The following IL16 variants were observed in gnomAD, a reference collection of about 807,000 sequenced individuals.
IL16 encodes the protein interleukin 16, also known as pro-interleukin-16.
Under a neutral mutation model 110.1 loss-of-function variants are expected in IL16, and 67 were observed. The ratio of observed to expected loss-of-function variants is 0.61; its 90% CI spans 0.50 to 0.75. The LOEUF (loss-of-function observed/expected upper bound fraction) is 0.75, where lower values mean the gene tolerates loss of function less well. Among genes scored for constraint, IL16 ranks in the 30% least tolerant of loss-of-function variants. The pLI is 0.00. For missense variants in IL16, 1,545 were observed against 1,655.0 expected, an observed-to-expected ratio of 0.93 and a Z score of 1.15; for synonymous variants, 689 against 662.9, an observed-to-expected ratio of 1.04 and a Z score of -0.61.
Position 81,300,247 on chromosome 15 carries a change from C to G in IL16, c.2921C>G (p.Ser974Cys). ...ARSFPLTRSQ[S>C]CETKLLDEKT... ...AGCTTCCCCCTGACCAGGTCCCAGTCCTGTGAGACGAAGCTACTTGACGAA... is the reference window on the plus strand; with the variant it reads ...AGCTTCCCCCTGACCAGGTCCCAGTGCTGTGAGACGAAGCTACTTGACGAA... The change falls in exon 14 of 19, where the codon TCC becomes TGC. Residue 974 changes from serine (S) to cysteine (C), a missense_variant. Physicochemically the swap from Ser to Cys is moderately radical, Grantham distance 112. Around this residue, in one of 3 missense-constraint regions of IL16, gnomAD observed 1,185 missense variants for 1,238.8 expected, o/e 0.96. Coordinates refer to ENST00000683961, the MANE Select transcript of IL16 (RefSeq NM_172217.5). 38 of 1,614,240 alleles carry G rather than the reference C, an allele frequency of 2.4e-5. No individual in the cohort carries two copies. Among genetic ancestry groups the G allele is most frequent in the Non-Finnish European group, 3.2e-5 (38 of 1,180,050 alleles).
chr15:81,249,311 A>T (rs948922505), intron 2 of IL16, among the ~76,000 whole-genome samples: 1 of 152,144 alleles, frequency 6.6e-6, no homozygotes, highest in African/African-American at 2.4e-5. Flanking sequence ...TCTTTGCCTC[A>T]CAGGCCTTCA....
At chr15:81,231,381 T>TCTCC (rs1595973493) in intron 2 of IL16, among the ~76,000 whole-genome samples, 2 of 144,402 alleles carry the variant, frequency 1.4e-5, no homozygotes, top group East Asian at 4.1e-4. Context: ...TCTCTCTCTC[T>TCTCC]CCCTCTCTTA....
intron 10 of IL16, among the ~76,000 whole-genome samples, chr15:81,287,068 T>C (rs1330210677): frequency 6.6e-6 from 1 of 152,188 alleles, no homozygotes; most frequent in Non-Finnish European, 1.5e-5. Context: ...GTGGGAATTA[T>C]GGGAGCTAAA....
At position 81,308,906 on chromosome 15, in the gene IL16, C is replaced by A. The variant is rs1376423089; in HGVS notation, c.*108C>A. On this transcript the variant is annotated 3_prime_UTR_variant, in exon 19 of 19. Coordinates refer to ENST00000683961, the MANE Select transcript of IL16 (RefSeq NM_172217.5). ...CGCCCCACCCAGATGGGGGAAAGCA[C>A]AGGTGGGCTTCCCAGTGGCTGCTGC... 1 of 994,780 alleles carries A rather than the reference C, an allele frequency of 1.0e-6. No homozygotes were observed. The highest frequency in any genetic ancestry group is 1.5e-6 in the Non-Finnish European group (1 of 683,176). The allele number at this position is 994,780 out of a possible 1,614,324, so 61.6% of individuals were successfully genotyped here.
At chr15:81,306,630 G>C (rs1391343660) in intron 18 of IL16, 85 bp downstream of exon 18, 2 of 1,543,348 alleles carry the variant, frequency 1.3e-6, no homozygotes, top group Non-Finnish European at 1.8e-6. Flanking sequence ...CACTTTCTGG[G>C]CTATGTTGTT....
At chr15:81,211,049 T>G (rs952752693) in intron 1 of IL16, among the ~76,000 whole-genome samples, 3 of 151,772 alleles carry the variant, frequency 2.0e-5, no homozygotes, top group African/African-American at 7.3e-5. Flanking sequence ...ATTTTTTGGG[T>G]TTTTTGTTTG....
In IL16 at chr15:81,279,755, G is replaced by C; in HGVS notation, c.1062G>C (p.Val354=). The C allele has an allele frequency of 1.2e-6, 2 of 1,614,212 alleles. No individual in the cohort carries two copies. Among genetic ancestry groups the C allele is most frequent in the Non-Finnish European group, 1.7e-6 (2 of 1,180,018 alleles). The change falls in exon 8 of 19, where the codon GTG becomes GTC. Residue 354 remains valine, a synonymous_variant. Coordinates refer to ENST00000683961, the MANE Select transcript of IL16 (RefSeq NM_172217.5). ...CCAAGCCCAATTACAGAATCATGGT[G>C]GAGGTTTCTCTGCAGAAAGGTAGGA... The part of the protein sequence containing the change: ...STAKPNYRIM[V]EVSLQKEAGV...
chr15:81,198,135 G>A (rs1895668024), intron 1 of IL16, among the ~76,000 whole-genome samples: 1 of 152,128 alleles, frequency 6.6e-6, no homozygotes, highest in African/African-American at 2.4e-5. Context: ...GCCGTCAGGT[G>A]GGTCAGACCC....
intron 5 of IL16, 97 bp downstream of exon 5, chr15:81,269,745 G>A: frequency 1.2e-6 from 1 of 844,376 alleles, no homozygotes; most frequent in Non-Finnish European, 2.0e-6. Flanking sequence ...GGACTACTGG[G>A]GTGTCCTGGC....
Position 81,230,195 on chromosome 15 carries a change from C to T in IL16, c.312+4484C>T, listed in dbSNP as rs551762589. Among the ~76,000 whole-genome samples, 8 of 152,252 alleles carry T rather than the reference C, an allele frequency of 5.3e-5. 1 individual carries two copies. In the South Asian group the frequency reaches 1.7e-3, roughly 32 times the overall value. On this transcript the variant is annotated intron_variant, in intron 2 of 18. Transcript: ENST00000683961. ...TGGGAGAATGTCAAAAGTCAGGCTT[C>T]CTAAGTTAATAAACAAAAGCAAATA...
intron 1 of IL16, among the ~76,000 whole-genome samples, chr15:81,199,978 T>C (rs1315762975): frequency 1.3e-5 from 2 of 152,104 alleles, no homozygotes; most frequent in Admixed American, 6.5e-5. Context: ...AAATACCCCA[T>C]ATGGAATTGC....
At chr15:81,256,253 C>G (rs926104898) in intron 2 of IL16, among the ~76,000 whole-genome samples, 1 of 151,666 alleles carries the variant, frequency 6.6e-6, no homozygotes, top group Non-Finnish European at 1.5e-5. Flanking sequence ...TGATTGTAGT[C>G]AGTCATCATC....
intron 17 of IL16, 54 bp downstream of exon 17, chr15:81,306,220 T>C (rs1240146728): frequency 1.9e-6 from 3 of 1,586,330 alleles, no homozygotes; most frequent in East Asian, 2.2e-5. Flanking sequence ...CTTTGGCCAT[T>C]TGGGGCCAGA....
At chr15:81,294,992 T>C (rs1899917365) in intron 12 of IL16, among the ~76,000 whole-genome samples, 1 of 152,156 alleles carries the variant, frequency 6.6e-6, no homozygotes, top group Non-Finnish European at 1.5e-5. Flanking sequence ...CCCCCAAGTC[T>C]TTCCCATCTA....
chr15:81,209,175 T>A (rs934859644), intron 1 of IL16, among the ~76,000 whole-genome samples: 3 of 152,168 alleles, frequency 2.0e-5, no homozygotes, highest in African/African-American at 7.2e-5. Context: ...AGGATAATGA[T>A]GGAGACAGGG....
chr15:81,235,260 A>G (rs545914757), intron 2 of IL16, among the ~76,000 whole-genome samples: 2 of 152,290 alleles, frequency 1.3e-5, no homozygotes, highest in Admixed American at 1.3e-4. Flanking sequence ...AAAGAGGTTT[A>G]TTTGGCTTAC....
rs1596063879 is a variant in IL16 at position 81,309,079 on chromosome 15, T to C, written c.*281T>C. The C allele has an allele frequency of 2.9e-6, 1 of 345,286 alleles. No homozygotes were observed. Among genetic ancestry groups the C allele is most frequent in the East Asian group, 4.8e-5 (1 of 20,742 alleles). The allele number at this position is 345,286 out of a possible 1,614,324, so 21.4% of individuals were successfully genotyped here. On this transcript the variant is annotated 3_prime_UTR_variant, in exon 19 of 19. Coordinates refer to ENST00000683961, the MANE Select transcript of IL16 (RefSeq NM_172217.5). ...TGTGGTGCCACAAATAAAATGGATTTATTAGAATTTCATATGACATTCATG... is the reference window on the plus strand; with the variant it reads ...TGTGGTGCCACAAATAAAATGGATTCATTAGAATTTCATATGACATTCATG...
At chr15:81,302,804 T>C (rs1290210522) in intron 15 of IL16, among the ~76,000 whole-genome samples, 1 of 152,236 alleles carries the variant, frequency 6.6e-6, no homozygotes, top group Non-Finnish European at 1.5e-5. Flanking sequence ...GCTAGTTCTG[T>C]ATGCCTACGT....
At chr15:81,287,964 C>T (rs907992991) in intron 10 of IL16, among the ~76,000 whole-genome samples, 1 of 152,218 alleles carries the variant, frequency 6.6e-6, no homozygotes, top group African/African-American at 2.4e-5. Flanking sequence ...GGCAGAAAAT[C>T]AGTGGAGTAG....
Sources: gnomAD v4.1 joint callset for allele counts (sites outside exome capture counted in the v4.1 genomes callset) on GRCh38, gnomAD v4.1.1 for gene constraint, gnomAD v4.1.1 regional missense constraint, MANE v1.5 for transcripts, NCBI Gene and HGNC (gene_info 2026-07-23, HGNC 2026-07-21) for gene names.